The following DOCK2 variants were observed in gnomAD, a reference collection of about 807,000 sequenced individuals.
The protein encoded by DOCK2 is dedicator of cytokinesis 2, also known as dedicator of cytokinesis protein 2.
DOCK2 carries 87 observed loss-of-function variants against 248.9 expected under a neutral mutation model. The ratio of observed to expected loss-of-function variants is 0.35; its 90% CI spans 0.29 to 0.42. The LOEUF (loss-of-function observed/expected upper bound fraction) is 0.42, where lower values mean the gene tolerates loss of function less well. Ranked by LOEUF, DOCK2 falls within the 10% of genes least tolerant of loss-of-function variation. The probability of loss-of-function intolerance (pLI) is 1.00; values close to 1 mark genes in which losing one functional copy is unlikely to be tolerated. For missense variants in DOCK2, 1,747 were observed against 2,300.2 expected (o/e 0.76, Z 4.92); for synonymous variants, 805 against 821.6 (o/e 0.98, Z 0.35).
chr5:169,825,562 T>C (rs529782929), intron 26 of DOCK2, among the ~76,000 whole-genome samples: 36 of 137,480 alleles, frequency 2.6e-4, no homozygotes, highest in Non-Finnish European at 4.5e-4. Flanking sequence ...TAGGTGGGAA[T>C]TGAACAATGA....
chr5:169,749,250 G>A (rs1763776587), intron 23 of DOCK2, among the ~76,000 whole-genome samples: 1 of 152,216 alleles, frequency 6.6e-6, no homozygotes, highest in Admixed American at 6.5e-5. Context: ...TTGAAAAAGA[G>A]ATGAAGCCCC....
intron 40 of DOCK2, among the ~76,000 whole-genome samples, chr5:170,049,168 G>A (rs1044925523): frequency 3.9e-5 from 6 of 152,364 alleles, no homozygotes; most frequent in African/African-American, 1.4e-4. Context: ...AGGCTGGAGT[G>A]CAGTGGCTTG....
At chr5:169,965,403 CA>C (rs1777261254) in intron 27 of DOCK2, among the ~76,000 whole-genome samples, 1 of 152,150 alleles carries the variant, frequency 6.6e-6, no homozygotes, top group Non-Finnish European at 1.5e-5. Flanking sequence ...TTATTGCTTG[CA>C]AAACATTATG....
chr5:169,973,234 G>GA (rs1006207005), intron 27 of DOCK2, among the ~76,000 whole-genome samples: 7 of 152,138 alleles, frequency 4.6e-5, no homozygotes, highest in African/African-American at 1.7e-4. Flanking sequence ...TGTAAAGGGA[G>GA]AAAAATGGAA....
chr5:169,996,293 G>A (rs1014832225), intron 30 of DOCK2, 129 bp downstream of exon 30: 31 of 907,868 alleles, frequency 3.4e-5, no homozygotes, highest in Non-Finnish European at 4.0e-5. Context: ...GATTCCCACG[G>A]GGGGTTATGG....
chr5:169,968,506 T>C (rs780424374), intron 27 of DOCK2, among the ~76,000 whole-genome samples: 58 of 152,168 alleles, frequency 3.8e-4, no homozygotes, highest in Non-Finnish European at 5.7e-4. Flanking sequence ...GGAAGAAACA[T>C]TGGGGGGTCA....
intron 44 of DOCK2, among the ~76,000 whole-genome samples, chr5:170,066,153 T>C (rs1394190338): frequency 6.6e-6 from 1 of 152,078 alleles, no homozygotes. Context: ...GGTTTCACCA[T>C]GTTAGTCAGG....
intron 9 of DOCK2, among the ~76,000 whole-genome samples, chr5:169,695,015 C>G (rs1760530170): frequency 6.6e-6 from 1 of 152,150 alleles, no homozygotes; most frequent in Non-Finnish European, 1.5e-5. Context: ...AGATAGTTGA[C>G]TGCAGTTTCC....
chr5:169,780,113 G>A (rs1275109174), intron 25 of DOCK2, among the ~76,000 whole-genome samples: 1 of 152,010 alleles, frequency 6.6e-6, no homozygotes, highest in Non-Finnish European at 1.5e-5. Context: ...TGATCCTTTT[G>A]GATCTAGCAA....
At chr5:169,691,891 C>A (rs889210380) in intron 9 of DOCK2, among the ~76,000 whole-genome samples, 1 of 150,384 alleles carries the variant, frequency 6.6e-6, no homozygotes, top group African/African-American at 2.5e-5. Flanking sequence ...GAGTCTTGCT[C>A]TGTCGCCAGG....
At chr5:169,968,742 A>T (rs773447133) in intron 27 of DOCK2, among the ~76,000 whole-genome samples, 1 of 152,298 alleles carries the variant, frequency 6.6e-6, no homozygotes. Flanking sequence ...AGCTCACTTG[A>T]TGCTGTGTTA....
At chr5:169,786,130 A>G (rs924758097) in intron 25 of DOCK2, among the ~76,000 whole-genome samples, 4 of 152,246 alleles carry the variant, frequency 2.6e-5, no homozygotes, top group Admixed American at 2.6e-4. Context: ...GATTAACATG[A>G]TAACTTGCAT....
intron 26 of DOCK2, among the ~76,000 whole-genome samples, chr5:169,810,983 TCTCTCTCA>T (rs1228101164): frequency 6.7e-3 from 572 of 84,950 alleles, no homozygotes; most frequent in African/African-American, 0.022. Flanking sequence ...TCTCTCTCTC[TCTCTCTCA>T]CACACACACA....
chr5:169,669,033 A>G (rs1410858323), intron 2 of DOCK2, among the ~76,000 whole-genome samples: 2 of 152,016 alleles, frequency 1.3e-5, no homozygotes, highest in Non-Finnish European at 2.9e-5. Flanking sequence ...ACTGGCCAGC[A>G]CTACTGGGGC....
chr5:169,742,245 A>G (rs1294445611), intron 22 of DOCK2, among the ~76,000 whole-genome samples: 1 of 152,190 alleles, frequency 6.6e-6, no homozygotes, highest in Non-Finnish European at 1.5e-5. Context: ...GTGTATCCGG[A>G]AGAAAAACTG....
At chr5:169,982,919 G>A (rs1190312342) in intron 27 of DOCK2, 149 bp from the exon 28 acceptor site, 5 of 697,532 alleles carry the variant, frequency 7.2e-6, no homozygotes, top group African/African-American at 3.5e-5. Flanking sequence ...TTATGTTTAT[G>A]TTCGGCACTG....
At chr5:169,864,016 AGT>A (rs1189920670) in intron 27 of DOCK2, among the ~76,000 whole-genome samples, 1 of 152,118 alleles carries the variant, frequency 6.6e-6, no homozygotes, top group African/African-American at 2.4e-5. Flanking sequence ...GTTCTGGCTG[AGT>A]GTGACAGGGA....
intron 27 of DOCK2, among the ~76,000 whole-genome samples, chr5:169,896,526 TAAG>T (rs1419683004): frequency 2.0e-5 from 3 of 152,196 alleles, no homozygotes; most frequent in Non-Finnish European, 4.4e-5. Flanking sequence ...TAATATTACT[TAAG>T]AAGCTGGCTG....
At chr5:170,020,975 G>A (rs1309976120) in intron 33 of DOCK2, among the ~76,000 whole-genome samples, 1 of 152,214 alleles carries the variant, frequency 6.6e-6, no homozygotes, top group Non-Finnish European at 1.5e-5. Context: ...ATTTATTTGT[G>A]CAAGAAACAT....
Sources: allele counts gnomAD v4.1 joint callset (sites outside exome capture counted in the v4.1 genomes callset), GRCh38; gene constraint gnomAD v4.1.1; transcripts MANE v1.5; gene names NCBI Gene and HGNC (gene_info 2026-07-23, HGNC 2026-07-21).